The following TSHR variants were observed in gnomAD, a reference collection of about 807,000 sequenced individuals.
TSHR encodes the protein thyroid stimulating hormone receptor.
In TSHR, 51 loss-of-function variants were observed where a neutral mutation model predicts 64.1. The ratio of observed to expected loss-of-function variants is 0.80; its 90% CI spans 0.64 to 1.01. The LOEUF (loss-of-function observed/expected upper bound fraction) is 1.01, where lower values mean the gene tolerates loss of function less well. Ranked by LOEUF, TSHR falls within the 50% of genes least tolerant of loss-of-function variation. The pLI is 0.00. For missense variants in TSHR, 877 were observed against 942.8 expected (o/e 0.93, Z 0.91); for synonymous variants, 361 against 361.9 (o/e 1.00, Z 0.03).
chr14:81,088,083 A>G lies in TSHR; in HGVS notation c.392+55A>G. 5.9e-6 allele frequency: 8 copies of G among 1,358,244 alleles called. No individual in the cohort carries two copies. The South Asian group carries it at 9.4e-5, about 16-fold the overall frequency. The allele number at this position is 1,358,244 out of a possible 1,614,324, so 84.1% of individuals were successfully genotyped here. On this transcript the variant is annotated intron_variant, in intron 4 of 9. Coordinates refer to ENST00000298171, the MANE Select transcript of TSHR (RefSeq NM_000369.5). ...TTTCTGGGGGGAGGGGGTCAGATTT[A>G]ATGCTGTTGTCTCCCAGGAATCTCC...
chr14:80,983,315 C>T, intron 1 of TSHR: 1 of 1,114,882 alleles, frequency 9.0e-7, no homozygotes, highest in East Asian at 2.4e-5. Flanking sequence ...TCCATCACTA[C>T]ATTGTTGCCG....
intron 8 of TSHR, among the ~76,000 whole-genome samples, chr14:81,116,640 A>G (rs1890527001): frequency 6.8e-6 from 1 of 146,128 alleles, no homozygotes; most frequent in African/African-American, 2.7e-5. Context: ...AAAGTTAACA[A>G]GGATACCCAG....
At chr14:81,131,476 G>C (rs929640208) in intron 8 of TSHR, among the ~76,000 whole-genome samples, 7 of 151,940 alleles carry the variant, frequency 4.6e-5, no homozygotes, top group Admixed American at 2.0e-4. Flanking sequence ...ATGTTCTTTC[G>C]ACAGCCTACA....
intron 2 of TSHR, among the ~76,000 whole-genome samples, chr14:81,064,581 C>G (rs938048215): frequency 6.6e-6 from 1 of 152,054 alleles, no homozygotes; most frequent in Non-Finnish European, 1.5e-5. Flanking sequence ...AGATCCATGT[C>G]CCCATGGAGT....
intron 1 of TSHR, among the ~76,000 whole-genome samples, chr14:80,985,593 A>G (rs889406014): frequency 1.3e-5 from 2 of 152,184 alleles, no homozygotes; most frequent in Non-Finnish European, 2.9e-5. Flanking sequence ...TGAATTCTCT[A>G]AGACTCATGG....
chr14:81,051,774 T>C (rs1158357013), intron 1 of TSHR: 1 of 152,170 alleles, frequency 6.6e-6, no homozygotes, highest in Non-Finnish European at 1.5e-5. Flanking sequence ...TAATTTGCAT[T>C]TCCCTGTTGA....
chr14:81,040,524 G>C (rs532743282), intron 1 of TSHR, among the ~76,000 whole-genome samples: 27 of 151,976 alleles, frequency 1.8e-4, no homozygotes, highest in Middle Eastern at 3.4e-3. Context: ...GTGGAGAGAC[G>C]ACATACAGAA....
chr14:81,036,223 C>G (rs970742580), intron 1 of TSHR, among the ~76,000 whole-genome samples: 9 of 152,106 alleles, frequency 5.9e-5, no homozygotes, highest in Non-Finnish European at 1.3e-4. Flanking sequence ...ATATGTACAT[C>G]CAGCTCCATG....
chr14:80,982,925 G>C (rs1388487040), intron 1 of TSHR: 1 of 520,388 alleles, frequency 1.9e-6, no homozygotes, highest in African/African-American at 1.9e-5. Context: ...GCTTACTCTT[G>C]CAAAATGGAA....
At chr14:80,993,845 A>T (rs1296427134) in intron 1 of TSHR, 1 of 92,494 alleles carries the variant, frequency 1.1e-5, no homozygotes, top group Non-Finnish European at 2.7e-5. Context: ...AAACAGGATT[A>T]AAAAAAAAAA....
At chr14:81,015,801 A>G (rs1006919944) in intron 1 of TSHR, among the ~76,000 whole-genome samples, 1 of 152,030 alleles carries the variant, frequency 6.6e-6, no homozygotes, top group African/African-American at 2.4e-5. Flanking sequence ...ACTCCTCACC[A>G]GTAACCATCA....
intron 3 of TSHR, among the ~76,000 whole-genome samples, chr14:81,077,213 T>C (rs1458413554): frequency 6.6e-6 from 1 of 152,230 alleles, no homozygotes; most frequent in Non-Finnish European, 1.5e-5. Flanking sequence ...AGATGTTTGA[T>C]AATAATAGGT....
intron 2 of TSHR, among the ~76,000 whole-genome samples, chr14:81,066,574 C>A (rs1010247602): frequency 2.0e-5 from 3 of 152,172 alleles, no homozygotes; most frequent in African/African-American, 4.8e-5. Context: ...TAGAATGGAA[C>A]AATCAGCACT....
intron 8 of TSHR, among the ~76,000 whole-genome samples, chr14:81,112,474 G>C (rs1454998564): frequency 1.3e-5 from 2 of 152,074 alleles, no homozygotes; most frequent in Non-Finnish European, 2.9e-5. Flanking sequence ...CAAGTATCAT[G>C]AGAATGTGAA....
intron 1 of TSHR, among the ~76,000 whole-genome samples, chr14:81,024,697 T>C (rs1395613645): frequency 6.6e-6 from 1 of 152,186 alleles, no homozygotes; most frequent in Non-Finnish European, 1.5e-5. Flanking sequence ...TTTTTAACAA[T>C]GGGCCTTGCA....
chr14:80,964,310 A>G (rs537203206), intron 1 of TSHR, among the ~76,000 whole-genome samples: 3 of 152,346 alleles, frequency 2.0e-5, no homozygotes, highest in South Asian at 2.1e-4. Context: ...TGTGTGAACA[A>G]ATTAGCTATC....
intron 8 of TSHR, chr14:81,108,906 G>C: frequency 7.1e-7 from 1 of 1,417,384 alleles, no homozygotes. Flanking sequence ...TACAATCATG[G>C]GGAAAGATGG....
At chr14:81,025,686 C>A (rs1465579342) in intron 1 of TSHR, among the ~76,000 whole-genome samples, 1 of 152,162 alleles carries the variant, frequency 6.6e-6, no homozygotes, top group African/African-American at 2.4e-5. Flanking sequence ...TGAGTTCCCT[C>A]ACTTTGAAAG....
chr14:81,064,673 A>T (rs903994072), intron 2 of TSHR, among the ~76,000 whole-genome samples: 11 of 152,254 alleles, frequency 7.2e-5, no homozygotes, highest in Admixed American at 4.6e-4. Flanking sequence ...GAAGGAAATA[A>T]GTACATGGGA....
Sources: allele counts gnomAD v4.1 joint callset (sites outside exome capture counted in the v4.1 genomes callset), GRCh38; gene constraint gnomAD v4.1.1; transcripts MANE v1.5; gene names NCBI Gene and HGNC (gene_info 2026-07-23, HGNC 2026-07-21).